Variants in NXPE2 observed in about 807,000 individuals in gnomAD.
NXPE2 encodes NXPE family member 2.
A neutral mutation model predicts 34.4 loss-of-function variants in NXPE2; 34 were observed. The ratio of observed to expected loss-of-function variants is 0.99; its 90% CI spans 0.75 to 1.31. The LOEUF (loss-of-function observed/expected upper bound fraction) is 1.31, where lower values mean the gene tolerates loss of function less well. Among genes scored for constraint, NXPE2 ranks in the 40% most tolerant of loss-of-function variants. NXPE2 has a pLI of 0.00. For missense variants in NXPE2, 649 were observed against 672.5 expected (o/e 0.97, Z 0.39); for synonymous variants, 235 against 231.3 (o/e 1.02, Z -0.15).
chr11:114,737,947 C>A, the NXPE2 span, among the ~76,000 whole-genome samples: 1 of 152,028 alleles, frequency 6.6e-6, no homozygotes, highest in South Asian at 2.1e-4. Context: ...ATTTGCCGGG[C>A]GTGGTGGTGC....
the NXPE2 span, among the ~76,000 whole-genome samples, chr11:114,622,644 C>T: frequency 7.2e-5 from 11 of 151,940 alleles, no homozygotes; most frequent in East Asian, 1.9e-4. Context: ...AGTGTTGCCT[C>T]GTGGGTAACC....
At chr11:114,754,240 A>C in the NXPE2 span, among the ~76,000 whole-genome samples, 4 of 152,082 alleles carry the variant, frequency 2.6e-5, no homozygotes, top group Non-Finnish European at 4.4e-5. Flanking sequence ...GGTAAAATTC[A>C]ACAGTGACCC....
the NXPE2 span, among the ~76,000 whole-genome samples, chr11:114,620,526 C>T: frequency 9.2e-5 from 14 of 151,542 alleles, no homozygotes; most frequent in East Asian, 3.9e-4. Context: ...CACTTTAAGG[C>T]GGTAGATAAT....
downstream of NXPE2, among the ~76,000 whole-genome samples, chr11:114,707,758 A>G (rs1951500690): frequency 1.3e-5 from 2 of 152,140 alleles, no homozygotes; most frequent in South Asian, 4.1e-4. Context: ...GAATTTGACT[A>G]TTTTAGGTAG....
chr11:114,705,276 A>C (rs565563344), intron 4 of NXPE2, among the ~76,000 whole-genome samples: 1 of 152,380 alleles, frequency 6.6e-6, no homozygotes, highest in South Asian at 2.1e-4. Flanking sequence ...GATTTTAAAA[A>C]AAGTATTAGC....
chr11:114,592,703 G>A, the NXPE2 span, among the ~76,000 whole-genome samples: 4 of 152,042 alleles, frequency 2.6e-5, no homozygotes, highest in Non-Finnish European at 4.4e-5. Context: ...AGGAAACAAA[G>A]AAGATCCAGA....
the NXPE2 span, among the ~76,000 whole-genome samples, chr11:114,754,912 A>G: frequency 2.6e-5 from 4 of 152,142 alleles, no homozygotes; most frequent in South Asian, 2.1e-4. Flanking sequence ...CTATTTGTCA[A>G]TGATGTGGAA....
intron 2 of NXPE2, among the ~76,000 whole-genome samples, chr11:114,684,434 AG>A (rs1367990932): frequency 1.2e-4 from 19 of 152,276 alleles, no homozygotes; most frequent in Admixed American, 4.6e-4. Context: ...CTCAAAAAAA[AG>A]AAAAGAAAAA....
chr11:114,489,788 A>G, the NXPE2 span, among the ~76,000 whole-genome samples: 1 of 152,208 alleles, frequency 6.6e-6, no homozygotes, highest in African/African-American at 2.4e-5. Flanking sequence ...TTCCCTTTGA[A>G]AACTGGCACA....
chr11:114,763,683 T>C, the NXPE2 span, among the ~76,000 whole-genome samples: 221 of 152,282 alleles, frequency 1.5e-3, no homozygotes, highest in South Asian at 2.5e-3. Context: ...CATAAATAAA[T>C]ATTCCATCAC....
the NXPE2 span, among the ~76,000 whole-genome samples, chr11:114,609,670 T>C: frequency 6.6e-6 from 1 of 151,464 alleles, no homozygotes; most frequent in East Asian, 2.0e-4. Context: ...TATTACCCAG[T>C]GGATAATAAG....
At chr11:114,809,609 A>AT in the NXPE2 span, among the ~76,000 whole-genome samples, 4 of 59,222 alleles carry the variant, frequency 6.8e-5, no homozygotes, top group African/African-American at 2.0e-4. Context: ...AAGAGAATAA[A>AT]ATACCTAGGA....
chr11:114,464,422 TG>T, the NXPE2 span, among the ~76,000 whole-genome samples: 1 of 152,212 alleles, frequency 6.6e-6, no homozygotes, highest in Non-Finnish European at 1.5e-5. Flanking sequence ...CTTAGTTTTT[TG>T]ACATTATAAT....
the NXPE2 span, among the ~76,000 whole-genome samples, chr11:114,608,477 G>A: frequency 6.6e-6 from 1 of 151,914 alleles, no homozygotes; most frequent in African/African-American, 2.4e-5. Flanking sequence ...ATTGCCTTGT[G>A]GGTAATCAAT....
the NXPE2 span, chr11:114,583,649 G>A: frequency 1.7e-6 from 1 of 588,986 alleles, no homozygotes; most frequent in Non-Finnish European, 3.4e-6. Context: ...GGACACTGCT[G>A]TGAATTGGGC....
chr11:114,551,743 T>G, the NXPE2 span, among the ~76,000 whole-genome samples: 1 of 151,996 alleles, frequency 6.6e-6, no homozygotes, highest in African/African-American at 2.4e-5. Context: ...AGGAATGAAT[T>G]ACTCTGCATA....
chr11:114,582,097 T>G, the NXPE2 span, among the ~76,000 whole-genome samples: 1 of 152,186 alleles, frequency 6.6e-6, no homozygotes, highest in African/African-American at 2.4e-5. Context: ...TTGATAAGAA[T>G]TAAATGTTCA....
chr11:114,808,809 C>T, the NXPE2 span, among the ~76,000 whole-genome samples: 2 of 152,116 alleles, frequency 1.3e-5, no homozygotes, highest in African/African-American at 4.8e-5. Context: ...TTCCAATCAA[C>T]AGAAAAAGAG....
At chr11:114,748,050 G>A in the NXPE2 span, among the ~76,000 whole-genome samples, 3 of 152,170 alleles carry the variant, frequency 2.0e-5, no homozygotes, top group East Asian at 5.8e-4. Flanking sequence ...TATGAGTGAA[G>A]TCATCTGGTG....
Sources: allele counts gnomAD v4.1 joint callset (sites outside exome capture counted in the v4.1 genomes callset), GRCh38; gene constraint gnomAD v4.1.1; transcripts MANE v1.5; gene names NCBI Gene and HGNC (gene_info 2026-07-23, HGNC 2026-07-21).